The following RHOBTB2 variants were observed in gnomAD, a reference collection of about 807,000 sequenced individuals.
The protein encoded by RHOBTB2 is rho-related BTB domain-containing protein 2.
Under a neutral mutation model 66.5 loss-of-function variants are expected in RHOBTB2, and 39 were observed. The ratio of observed to expected loss-of-function variants is 0.59; its 90% CI spans 0.45 to 0.77. RHOBTB2 has a LOEUF of 0.77. Among genes scored for constraint, RHOBTB2 ranks in the 30% least tolerant of loss-of-function variants. RHOBTB2 has a pLI of 0.00. For missense variants in RHOBTB2, 755 were observed against 999.1 expected (o/e 0.76, Z 3.29); for synonymous variants, 390 against 395.0 (o/e 0.99, Z 0.15).
the RHOBTB2 span, among the ~76,000 whole-genome samples, chr8:22,960,611 C>T: frequency 3.3e-5 from 5 of 152,266 alleles, no homozygotes; most frequent in East Asian, 1.9e-4. Flanking sequence ...GCGCTGCACC[C>T]GGCCCCTGAG....
intron 2 of RHOBTB2, chr8:22,994,496 C>A: frequency 1.0e-6 from 1 of 964,338 alleles, no homozygotes; most frequent in Non-Finnish European, 1.6e-6. Context: ...TCGCGGTGTG[C>A]TCATTCCCTT....
At chr8:22,978,958 T>C in the RHOBTB2 span, among the ~76,000 whole-genome samples, 1 of 152,196 alleles carries the variant, frequency 6.6e-6, no homozygotes, top group African/African-American at 2.4e-5. Flanking sequence ...CTTTATCTTA[T>C]ATATGGCCAT....
chr8:22,954,055 T>G, the RHOBTB2 span, among the ~76,000 whole-genome samples: 2 of 152,254 alleles, frequency 1.3e-5, no homozygotes, highest in African/African-American at 4.8e-5. Flanking sequence ...ATGCCATCGA[T>G]ATGTGACTGT....
the RHOBTB2 span, among the ~76,000 whole-genome samples, chr8:22,965,337 G>T: frequency 4.6e-3 from 701 of 152,202 alleles, 2 homozygotes; most frequent in African/African-American, 0.016. Flanking sequence ...CCTTAATGTT[G>T]CTAAGATGTC....
chr8:23,005,504 G>T lies in RHOBTB2; in HGVS notation c.296+29G>T, dbSNP rs2466179. 0.84 allele frequency: 1,196,695 copies of T among 1,432,302 alleles called. 500,928 individuals carry two copies. Among genetic ancestry groups the T allele is most frequent in the East Asian group, 0.96 (42,222 of 44,010 alleles). 88.7% of individuals were successfully genotyped at this position (1,432,302 alleles called of 1,614,324 possible). On this transcript the variant is annotated intron_variant, in intron 3 of 9. Transcript: ENST00000251822. ...GGGAAGGCCTCTAGCCGCCTGCAGAGAACCAACAGGGTGGGTTTTTCCCTG... is the reference window on the plus strand; with the variant it reads ...GGGAAGGCCTCTAGCCGCCTGCAGATAACCAACAGGGTGGGTTTTTCCCTG...
chr8:23,012,366 T>A (rs1050109802), intron 7 of RHOBTB2, among the ~76,000 whole-genome samples: 2 of 152,250 alleles, frequency 1.3e-5, no homozygotes, highest in African/African-American at 2.4e-5. Flanking sequence ...ATGGAAAGGC[T>A]TATTGAAAAT....
At chr8:22,951,244 CTTTTTTTT>C in the RHOBTB2 span, among the ~76,000 whole-genome samples, 1,137 of 88,166 alleles carry the variant, frequency 0.013, 5 homozygotes, top group Middle Eastern at 0.051. Context: ...CTACTTAGCT[CTTTTTTTT>C]TTTTTTTTTT....
upstream of RHOBTB2, chr8:22,995,867 G>C (rs1429428895): frequency 1.3e-6 from 2 of 1,551,556 alleles, no homozygotes; most frequent in Non-Finnish European, 1.7e-6. Flanking sequence ...CAGGAGAGGG[G>C]TGCCATGAAA....
intron 8 of RHOBTB2, 63 bp downstream of exon 8, chr8:23,014,841 T>A: frequency 7.4e-7 from 1 of 1,354,764 alleles, no homozygotes; most frequent in Non-Finnish European, 1.0e-6. Flanking sequence ...GCCCATTGGC[T>A]GCGAATGGGA....
chr8:22,968,104 A>G, the RHOBTB2 span, among the ~76,000 whole-genome samples: 18,322 of 151,994 alleles, frequency 0.12, 1,232 homozygotes, highest in Non-Finnish European at 0.15. Context: ...GCAGTGAGCT[A>G]TGATCAAACC....
chr8:22,987,885 G>A (rs1310215834), intron 1 of RHOBTB2, among the ~76,000 whole-genome samples: 2 of 152,104 alleles, frequency 1.3e-5, no homozygotes, highest in African/African-American at 4.8e-5. Context: ...GTCACCAGTC[G>A]CCATGTGCCA....
upstream of RHOBTB2, among the ~76,000 whole-genome samples, chr8:22,984,298 CAG>C (rs1436274450): frequency 6.6e-6 from 1 of 152,096 alleles, no homozygotes; most frequent in African/African-American, 2.4e-5. Flanking sequence ...AAATACAGAA[CAG>C]GGGCTGGCTC....
intron 8 of RHOBTB2, among the ~76,000 whole-genome samples, 173 bp from the exon 9 acceptor site, chr8:23,015,465 A>G (rs1430405108): frequency 6.6e-6 from 1 of 152,110 alleles, no homozygotes; most frequent in Non-Finnish European, 1.5e-5. Context: ...AGCCTGAGGC[A>G]GCATCATCAT....
Position 23,006,223 on chromosome 8 carries a change from C to T in RHOBTB2, c.482+78C>T, listed in dbSNP as rs1810946048. On this transcript the variant is annotated intron_variant, in intron 4 of 9. Coordinates refer to ENST00000251822, the MANE Select transcript of RHOBTB2 (RefSeq NM_015178.3). This position sits in a 1 kb window ranked among gnomAD's most constrained non-coding sequence, Gnocchi z 6.1. ...CTCCCTGCTCAGCCCTGGGGGAATT[C>T]CACTGAGCCTCATATCTCTCCCTCC... 2 of 1,255,954 alleles carry T rather than the reference C, an allele frequency of 1.6e-6. No individual in the cohort carries two copies. Among genetic ancestry groups the T allele is most frequent in the Non-Finnish European group, 2.2e-6 (2 of 894,792 alleles). The allele number at this position is 1,255,954 out of a possible 1,614,324, so 77.8% of individuals were successfully genotyped here.
chr8:23,007,926 G>A (rs1162589065), intron 5 of RHOBTB2, 67 bp from the exon 6 acceptor site: 3 of 1,524,226 alleles, frequency 2.0e-6, no homozygotes, highest in Non-Finnish European at 2.7e-6. Context: ...GAGGCTCCGT[G>A]GCTCCCCTTG....
At chr8:22,995,348 A>G (rs1810520372), upstream of RHOBTB2, among the ~76,000 whole-genome samples, 1 of 152,238 alleles carries the variant, frequency 6.6e-6, no homozygotes, top group Non-Finnish European at 1.5e-5. Flanking sequence ...GGGAGTTCTC[A>G]GTACAATCAA....
chr8:22,963,294 G>A, the RHOBTB2 span, among the ~76,000 whole-genome samples: 5 of 152,282 alleles, frequency 3.3e-5, no homozygotes, highest in East Asian at 9.6e-4. Context: ...ATTTATAAAA[G>A]TAAGTTTTCT....
intron 6 of RHOBTB2, among the ~76,000 whole-genome samples, chr8:23,008,332 C>T (rs1293140600): frequency 6.6e-6 from 1 of 152,152 alleles, no homozygotes; most frequent in African/African-American, 2.4e-5. Flanking sequence ...TTAGAAAGCA[C>T]TTTCTGTTCA....
upstream of RHOBTB2, chr8:22,995,964 G>C: frequency 7.4e-7 from 1 of 1,356,540 alleles, no homozygotes; most frequent in Non-Finnish European, 1.0e-6. Context: ...GACTGAGCCA[G>C]GCGGTCTGCG....
Sources: gnomAD v4.1 joint callset for allele counts (sites outside exome capture counted in the v4.1 genomes callset) on GRCh38, gnomAD v4.1.1 for gene constraint, Gnocchi (gnomAD v3.1) non-coding constraint, MANE v1.5 for transcripts, NCBI Gene and HGNC (gene_info 2026-07-23, HGNC 2026-07-21) for gene names.